Variants in DLC1 observed in about 807,000 individuals in gnomAD.
DLC1 encodes rho GTPase-activating protein 7.
A neutral mutation model predicts 140.3 loss-of-function variants in DLC1; 54 were observed. The ratio of observed to expected loss-of-function variants is 0.38; its 90% CI spans 0.31 to 0.48. DLC1 has a LOEUF of 0.48. DLC1 is among the 20% of genes least tolerant of loss of function. The probability of loss-of-function intolerance (pLI) is 0.96; values close to 1 mark genes in which losing one functional copy is unlikely to be tolerated. For missense variants in DLC1, 2,536 were observed against 1,907.0 expected (o/e 1.33, Z -6.14); for synonymous variants, 986 against 728.1 (o/e 1.35, Z -5.70).
intron 4 of DLC1, among the ~76,000 whole-genome samples, chr8:13,338,936 A>G (rs886402705): frequency 1.3e-5 from 2 of 152,244 alleles, no homozygotes; most frequent in African/African-American, 4.8e-5. Context: ...TGCACACAAA[A>G]TATGTGTAGG....
intron 1 of DLC1, among the ~76,000 whole-genome samples, chr8:13,600,850 A>G (rs915267653): frequency 2.6e-5 from 4 of 151,890 alleles, no homozygotes; most frequent in Non-Finnish European, 5.9e-5. Flanking sequence ...ATTTATTTGT[A>G]TATATTTGCC....
intron 6 of DLC1, among the ~76,000 whole-genome samples, chr8:13,111,746 C>A (rs1486365442): frequency 6.6e-6 from 1 of 151,932 alleles, no homozygotes; most frequent in East Asian, 1.9e-4. Context: ...TAGAGTGCTA[C>A]TACAATACCA....
intron 2 of DLC1, among the ~76,000 whole-genome samples, chr8:13,442,235 T>TAAAACCCTA: frequency 6.6e-6 from 1 of 152,274 alleles, no homozygotes; most frequent in South Asian, 2.1e-4. Flanking sequence ...ATGTTAGACC[T>TAAAACCCTA]AAAACCCTAA....
chr8:13,266,305 C>G (rs1327581919), intron 5 of DLC1, among the ~76,000 whole-genome samples: 1 of 152,192 alleles, frequency 6.6e-6, no homozygotes, highest in Non-Finnish European at 1.5e-5. Flanking sequence ...CATCCACATT[C>G]TCTTACCTGG....
chr8:13,479,396 TAAGAGACATAGATAC>T (rs969335948), intron 2 of DLC1, among the ~76,000 whole-genome samples: 1 of 152,132 alleles, frequency 6.6e-6, no homozygotes, highest in Non-Finnish European at 1.5e-5. Flanking sequence ...GAGTGGAAGT[TAAGAGACATAGATAC>T]AAGTTATTAC....
At chr8:13,601,787 G>A (rs1329853552) in intron 1 of DLC1, among the ~76,000 whole-genome samples, 2 of 151,812 alleles carry the variant, frequency 1.3e-5, no homozygotes, top group Middle Eastern at 3.4e-3. Flanking sequence ...TCTAGAAAAT[G>A]CAATCATATA....
At chr8:13,316,344 AG>A (rs1288470216) in intron 4 of DLC1, among the ~76,000 whole-genome samples, 16 of 152,208 alleles carry the variant, frequency 1.1e-4, no homozygotes, top group Admixed American at 2.0e-4. Context: ...ACAGAGTCAT[AG>A]GTGAGTTTTA....
intron 4 of DLC1, among the ~76,000 whole-genome samples, chr8:13,387,855 G>A (rs1008551515): frequency 6.6e-6 from 1 of 151,966 alleles, no homozygotes; most frequent in African/African-American, 2.4e-5. Context: ...TAGCAAAGAC[G>A]TTCGCATGTT....
At chr8:13,539,599 C>G (rs1286109327) in intron 1 of DLC1, among the ~76,000 whole-genome samples, 1 of 152,094 alleles carries the variant, frequency 6.6e-6, no homozygotes, top group African/African-American at 2.4e-5. Flanking sequence ...CCCCTTGAGG[C>G]CAGGAGCTTC....
At chr8:13,497,160 A>G (rs1295106003) in intron 2 of DLC1, among the ~76,000 whole-genome samples, 1 of 152,206 alleles carries the variant, frequency 6.6e-6, no homozygotes, top group African/African-American at 2.4e-5. Context: ...GTAACATGCA[A>G]TATAGTGATG....
At chr8:13,288,759 G>A (rs1482066835) in intron 5 of DLC1, among the ~76,000 whole-genome samples, 1 of 152,146 alleles carries the variant, frequency 6.6e-6, no homozygotes, top group Non-Finnish European at 1.5e-5. Context: ...TTTATTGCTG[G>A]CCTGCAACTT....
intron 5 of DLC1, among the ~76,000 whole-genome samples, chr8:13,194,901 C>T (rs1826960253): frequency 6.6e-6 from 1 of 151,986 alleles, no homozygotes; most frequent in African/African-American, 2.4e-5. Context: ...TAGTAGCTAG[C>T]TGAAAGGCTG....
At chr8:13,393,288 C>A (rs1055243577) in intron 4 of DLC1, among the ~76,000 whole-genome samples, 2 of 149,648 alleles carry the variant, frequency 1.3e-5, no homozygotes, top group Non-Finnish European at 3.0e-5. Flanking sequence ...CTCTTTAAAG[C>A]TCTGAGTATC....
chr8:13,462,281 A>T (rs1482565625), intron 2 of DLC1, among the ~76,000 whole-genome samples: 1 of 152,160 alleles, frequency 6.6e-6, no homozygotes, highest in Non-Finnish European at 1.5e-5. Flanking sequence ...GTCTAATAAC[A>T]TATGCCATAT....
intron 5 of DLC1, among the ~76,000 whole-genome samples, chr8:13,131,046 G>C (rs13271632): frequency 0.13 from 19,803 of 152,144 alleles, 1,397 homozygotes; most frequent in Non-Finnish European, 0.15. Flanking sequence ...AATAACTTTT[G>C]TGCACACATC....
chr8:13,334,639 C>G (rs1405936747), intron 4 of DLC1, among the ~76,000 whole-genome samples: 2 of 152,090 alleles, frequency 1.3e-5, no homozygotes, highest in African/African-American at 2.4e-5. Context: ...GTGGGCAGGA[C>G]TTACTAACGC....
In DLC1 at chr8:13,499,517, G is replaced by T. The variant is rs1563400861; in HGVS notation, c.555C>A (p.Asp185Glu). 9 of 1,614,054 alleles carry T rather than the reference G, an allele frequency of 5.6e-6. No individual in the cohort carries two copies. The highest frequency in any genetic ancestry group is 6.8e-6 in the Non-Finnish European group (8 of 1,180,006). Residue 185 changes from aspartate to glutamate, a missense_variant, in exon 2 of 18, where the codon GAC (aspartate) becomes GAA (glutamate). Physicochemically the swap from Asp to Glu is conservative, Grantham distance 45 (BLOSUM62 2). Transcript: ENST00000276297. ...VKESGERKVT[D>E]SISKSLELCN... ...AAAGCTCCAGGCTTTTACTTATAGA[G>T]TCAGTAACTTTTCTCTCCCCACTTT...
intron 1 of DLC1, among the ~76,000 whole-genome samples, chr8:13,594,307 C>G (rs933147459): frequency 2.0e-5 from 3 of 152,100 alleles, no homozygotes; most frequent in Non-Finnish European, 4.4e-5. Flanking sequence ...GCCTGAGACA[C>G]TGACAGACCT....
intron 2 of DLC1, among the ~76,000 whole-genome samples, chr8:13,451,936 G>T (rs1799079274): frequency 6.6e-6 from 1 of 152,034 alleles, no homozygotes; most frequent in African/African-American, 2.4e-5. Context: ...GTTTTTTGAG[G>T]AACTTCCAAA....
Sources: gnomAD v4.1 joint callset for allele counts (sites outside exome capture counted in the v4.1 genomes callset) on GRCh38, gnomAD v4.1.1 for gene constraint, MANE v1.5 for transcripts, NCBI Gene and HGNC (gene_info 2026-07-23, HGNC 2026-07-21) for gene names.